The following EVA1A variants were observed in gnomAD, a reference collection of about 807,000 sequenced individuals.
The protein encoded by EVA1A is eva-1 homolog A, regulator of programmed cell death, also known as protein eva-1 homolog A.
A neutral mutation model predicts 9.8 loss-of-function variants in EVA1A; 7 were observed. The observed-to-expected ratio is 0.71, with a 90% CI of 0.41 to 1.34. EVA1A has a LOEUF of 1.34. EVA1A is among the 40% of genes most tolerant of loss of function. The probability of loss-of-function intolerance (pLI) is 0.01; values close to 1 mark genes in which losing one functional copy is unlikely to be tolerated. For synonymous variants in EVA1A, 90 were observed against 85.6 expected (o/e 1.05, Z -0.28); for missense variants, 206 against 205.9 (o/e 1.00, Z 0.00).
intron 1 of EVA1A, among the ~76,000 whole-genome samples, chr2:75,556,627 G>A (rs1423963058): frequency 6.6e-6 from 1 of 152,216 alleles, no homozygotes; most frequent in Non-Finnish European, 1.5e-5. Context: ...TACGAGTCTG[G>A]TGTGGGAAAG....
chr2:75,557,039 C>T (rs1336322931), intron 1 of EVA1A, among the ~76,000 whole-genome samples: 1 of 152,176 alleles, frequency 6.6e-6, no homozygotes, highest in Admixed American at 6.5e-5. Flanking sequence ...TCCCTGGCCC[C>T]TAAAAAACCC....
At chr2:75,562,356 A>G (rs1022371414), upstream of EVA1A, among the ~76,000 whole-genome samples, 1 of 152,172 alleles carries the variant, frequency 6.6e-6, no homozygotes. Flanking sequence ...TGCTCTCAAG[A>G]TGATCTCATA....
chr2:75,556,942 C>A (rs1296286824), intron 1 of EVA1A, among the ~76,000 whole-genome samples: 1 of 152,164 alleles, frequency 6.6e-6, no homozygotes, highest in African/African-American at 2.4e-5. Context: ...AGGACCTCAC[C>A]ATGGGGATCT....
At chr2:75,500,982 C>G (rs1674396327) in intron 3 of EVA1A, among the ~76,000 whole-genome samples, 1 of 150,916 alleles carries the variant, frequency 6.6e-6, no homozygotes, top group Admixed American at 6.6e-5. Flanking sequence ...GTCAAGGCAA[C>G]ATTTTAAGAT....
intron 1 of EVA1A, among the ~76,000 whole-genome samples, chr2:75,534,335 G>C (rs1344704467): frequency 6.6e-6 from 1 of 152,090 alleles, no homozygotes; most frequent in African/African-American, 2.4e-5. Flanking sequence ...AGCAAAGCAT[G>C]GTAAGGTTTT....
chr2:75,563,086 T>C (rs542514543), upstream of EVA1A, among the ~76,000 whole-genome samples: 17 of 152,330 alleles, frequency 1.1e-4, no homozygotes, highest in African/African-American at 3.8e-4. Context: ...TATGTGTTGG[T>C]ACTTAGTACG....
chr2:75,551,400 A>G lies in EVA1A; in HGVS notation c.-192+9280T>C, dbSNP rs145834101. On this transcript the variant is annotated intron_variant, in intron 1 of 3. Coordinates refer to ENST00000393913, the MANE Select transcript of EVA1A (RefSeq NM_001135032.2). ...GAATTTCCAAATCCGTGAACATTTC[A>G]GATCTCTCATTCTTCCATATCATTT... 5.5e-3 allele frequency among the ~76,000 whole-genome samples: 832 copies of G among 152,296 alleles called. 6 individuals carry two copies. Among genetic ancestry groups the G allele is most frequent in the Middle Eastern group, 0.014 (4 of 294 alleles).
At chr2:75,516,137 A>T (rs1043694910) in intron 3 of EVA1A, among the ~76,000 whole-genome samples, 9 of 152,242 alleles carry the variant, frequency 5.9e-5, no homozygotes, top group African/African-American at 2.2e-4. Context: ...CAAGATTAGG[A>T]CATTTTCCAC....
At chr2:75,520,508 GGAATA>G (rs1350056634) in intron 2 of EVA1A, among the ~76,000 whole-genome samples, 3 of 152,036 alleles carry the variant, frequency 2.0e-5, no homozygotes, top group African/African-American at 7.2e-5. Flanking sequence ...GTAGCTTAAT[GGAATA>G]GAATAGAACA....
intron 1 of EVA1A, among the ~76,000 whole-genome samples, chr2:75,525,547 C>T (rs531729531): frequency 7.7e-4 from 117 of 152,296 alleles, no homozygotes; most frequent in South Asian, 1.9e-3. Context: ...GTTGAGGGGG[C>T]TCTTGTGTTC....
chr2:75,559,332 A>G (rs1225610762), intron 1 of EVA1A, among the ~76,000 whole-genome samples: 2 of 152,142 alleles, frequency 1.3e-5, no homozygotes, highest in African/African-American at 4.8e-5. Flanking sequence ...TCCGTTGAAA[A>G]CCATTACTTT....
chr2:75,539,927 A>C (rs1206451358), intron 1 of EVA1A, among the ~76,000 whole-genome samples: 1 of 152,202 alleles, frequency 6.6e-6, no homozygotes, highest in African/African-American at 2.4e-5. Context: ...GTCACCAGGA[A>C]GAACCAGGAA....
intron 3 of EVA1A, among the ~76,000 whole-genome samples, chr2:75,515,923 C>T (rs1012305506): frequency 5.9e-5 from 9 of 152,174 alleles, no homozygotes; most frequent in Admixed American, 3.9e-4. Context: ...AGGATTTACT[C>T]AGAGTTGGGG....
chr2:75,518,749 C>T (rs905643490), intron 2 of EVA1A: 2 of 986,398 alleles, frequency 2.0e-6, no homozygotes, highest in African/African-American at 1.7e-5. Context: ...CAAGCCACAG[C>T]CCTCTCCTCT....
At chr2:75,520,508 G>A (rs1021490454) in intron 2 of EVA1A, among the ~76,000 whole-genome samples, 7 of 152,036 alleles carry the variant, frequency 4.6e-5, no homozygotes, top group African/African-American at 1.7e-4. Context: ...GTAGCTTAAT[G>A]GAATAGAATA....
At chr2:75,508,677 C>T (rs7607481) in intron 3 of EVA1A, among the ~76,000 whole-genome samples, 1 of 151,796 alleles carries the variant, frequency 6.6e-6, no homozygotes, top group Non-Finnish European at 1.5e-5. Flanking sequence ...CTGTGACCCA[C>T]ACCTATTTGC....
intron 3 of EVA1A, 89 bp downstream of exon 3, chr2:75,517,967 G>T: frequency 6.8e-7 from 1 of 1,469,756 alleles, no homozygotes; most frequent in Non-Finnish European, 9.5e-7. Context: ...TGTCTTTACT[G>T]AGAATAAGGC....
At chr2:75,528,194 G>A (rs1052829072) in intron 1 of EVA1A, among the ~76,000 whole-genome samples, 1 of 152,204 alleles carries the variant, frequency 6.6e-6, no homozygotes, top group African/African-American at 2.4e-5. Context: ...CGGGGAGAAA[G>A]AGACTTGCAG....
intron 3 of EVA1A, among the ~76,000 whole-genome samples, chr2:75,513,627 A>G (rs534376391): frequency 6.6e-6 from 1 of 152,364 alleles, no homozygotes; most frequent in East Asian, 1.9e-4. Flanking sequence ...AGAAATGCAG[A>G]CAACCAAAGT....
Sources: gnomAD v4.1 joint callset for allele counts (sites outside exome capture counted in the v4.1 genomes callset) on GRCh38, gnomAD v4.1.1 for gene constraint, MANE v1.5 for transcripts, NCBI Gene and HGNC (gene_info 2026-07-23, HGNC 2026-07-21) for gene names.